Variants in DGKB observed in about 807,000 individuals in gnomAD.
The protein encoded by DGKB is 90 kDa diacylglycerol kinase.
In DGKB, 67 loss-of-function variants were observed where a neutral mutation model predicts 114.3. The ratio of observed to expected loss-of-function variants is 0.59; its 90% CI spans 0.48 to 0.72. The LOEUF (loss-of-function observed/expected upper bound fraction) is 0.72. Among genes scored for constraint, DGKB ranks in the 30% least tolerant of loss-of-function variants. The pLI is 0.00. For synonymous variants in DGKB, 398 were observed against 323.1 expected, an observed-to-expected ratio of 1.23 and a Z score of -2.49; for missense variants, 907 against 975.2, an observed-to-expected ratio of 0.93 and a Z score of 0.93.
intron 21 of DGKB, among the ~76,000 whole-genome samples, chr7:14,359,564 C>T (rs1397391929): frequency 6.6e-6 from 1 of 151,952 alleles, no homozygotes; most frequent in Admixed American, 6.6e-5. Context: ...TGCAATCTAC[C>T]CATCTGACAA....
intron 20 of DGKB, among the ~76,000 whole-genome samples, chr7:14,482,671 T>A (rs540971802): frequency 3.7e-4 from 57 of 152,226 alleles, no homozygotes; most frequent in African/African-American, 1.3e-3. Context: ...AGATTGAGCT[T>A]TTAGGTAAGA....
chr7:14,427,683 G>A (rs1827786143), intron 21 of DGKB, among the ~76,000 whole-genome samples: 2 of 152,144 alleles, frequency 1.3e-5, no homozygotes, highest in Admixed American at 1.3e-4. Flanking sequence ...TGGCAGACAA[G>A]AGAAGAGAGC....
chr7:14,512,403 T>C (rs1209040031), intron 20 of DGKB, among the ~76,000 whole-genome samples: 1 of 152,186 alleles, frequency 6.6e-6, no homozygotes, highest in African/African-American at 2.4e-5. Flanking sequence ...ATTTTCTCTA[T>C]CAGAACTATG....
At chr7:14,553,752 A>C (rs895652505) in intron 20 of DGKB, among the ~76,000 whole-genome samples, 2 of 151,720 alleles carry the variant, frequency 1.3e-5, no homozygotes, top group African/African-American at 4.8e-5. Context: ...TTACATTAAG[A>C]AGTTTTATTT....
In DGKB at chr7:14,720,471, ATTTGTG is replaced by A. The variant is rs1223328539; in HGVS notation, c.323-1792_323-1787del. ...TGGTGCGGGACACCACGCCCGGCTG[ATTTGTG>A]TGTGTGTGTGTGTGTGTGTGTGTGT... is the stretch of plus-strand genomic sequence containing the variant. On this transcript the variant is annotated intron_variant, in intron 5 of 25. Transcript: ENST00000402815. Among the ~76,000 whole-genome samples the A allele has an allele frequency of 2.0e-3, 208 of 104,270 alleles. 1 individual carries two copies. The highest frequency in any genetic ancestry group is 8.8e-3 in the African/African-American group (196 of 22,282). The allele number at this position is 104,270 out of a possible 152,430, so 68.4% of individuals were successfully genotyped here.
At chr7:14,758,864 T>C (rs1380219740) in intron 2 of DGKB, among the ~76,000 whole-genome samples, 4 of 151,352 alleles carry the variant, frequency 2.6e-5, no homozygotes, top group Non-Finnish European at 5.9e-5. Context: ...ATTCTGTGGG[T>C]TTGTGTATGT....
chr7:14,427,955 T>C (rs1827825593), intron 21 of DGKB, among the ~76,000 whole-genome samples: 1 of 152,144 alleles, frequency 6.6e-6, no homozygotes, highest in Non-Finnish European at 1.5e-5. Flanking sequence ...TATCTTTCTC[T>C]ATGTTTTAAA....
intron 13 of DGKB, among the ~76,000 whole-genome samples, chr7:14,640,303 T>TCTGCC (rs1402549662): frequency 8.5e-5 from 13 of 152,302 alleles, no homozygotes; most frequent in African/African-American, 3.1e-4. Context: ...CAGAGAATAC[T>TCTGCC]AGAATGAAAG....
At chr7:14,778,257 T>C (rs1043948276) in intron 2 of DGKB, among the ~76,000 whole-genome samples, 2 of 152,220 alleles carry the variant, frequency 1.3e-5, no homozygotes, top group Admixed American at 6.5e-5. Flanking sequence ...TAAATAAAGA[T>C]GACAGATTGA....
intron 21 of DGKB, among the ~76,000 whole-genome samples, chr7:14,442,847 T>A (rs1015734059): frequency 2.0e-5 from 3 of 152,098 alleles, no homozygotes; most frequent in African/African-American, 7.2e-5. Context: ...TGCCCCACTC[T>A]ATGCCATATG....
At chr7:14,241,936 A>C (rs1793713482) in intron 23 of DGKB, among the ~76,000 whole-genome samples, 2 of 113,608 alleles carry the variant, frequency 1.8e-5, no homozygotes, top group Non-Finnish European at 3.9e-5. Flanking sequence ...ACACACATAT[A>C]GATATATACA....
intron 25 of DGKB, among the ~76,000 whole-genome samples, chr7:14,171,194 G>A (rs1780939809): frequency 6.6e-6 from 1 of 152,158 alleles, no homozygotes; most frequent in Admixed American, 6.6e-5. Flanking sequence ...CAGAAAAAAG[G>A]CAAAGAGGGG....
chr7:14,157,285 G>A (rs534137294), intron 25 of DGKB, among the ~76,000 whole-genome samples: 1 of 151,838 alleles, frequency 6.6e-6, no homozygotes, highest in South Asian at 2.1e-4. Flanking sequence ...TATGACAGCG[G>A]GAATAAAGTA....
chr7:14,787,274 TA>T (rs1586507496), intron 2 of DGKB, among the ~76,000 whole-genome samples: 1 of 152,308 alleles, frequency 6.6e-6, no homozygotes. Context: ...AGCAATTTAT[TA>T]AAAATTAATT....
intron 5 of DGKB, among the ~76,000 whole-genome samples, chr7:14,733,781 GA>G (rs1831276385): frequency 6.8e-6 from 1 of 147,198 alleles, no homozygotes; most frequent in Admixed American, 6.9e-5. Context: ...AAGAAAGGAA[GA>G]AAGAAAGAAG....
intron 21 of DGKB, among the ~76,000 whole-genome samples, chr7:14,407,505 A>C (rs1030572852): frequency 2.6e-5 from 4 of 151,996 alleles, no homozygotes; most frequent in African/African-American, 9.7e-5. Context: ...GATGGAGAAG[A>C]AGCTACCTGG....
intron 19 of DGKB, among the ~76,000 whole-genome samples, chr7:14,575,932 G>A (rs1413564297): frequency 6.6e-6 from 1 of 152,096 alleles, no homozygotes; most frequent in African/African-American, 2.4e-5. Flanking sequence ...TACACTTAAG[G>A]TGTATCTGTT....
intron 25 of DGKB, among the ~76,000 whole-genome samples, chr7:14,158,073 T>A (rs1783301919): frequency 1.3e-5 from 2 of 152,218 alleles, no homozygotes; most frequent in Admixed American, 1.3e-4. Context: ...GAATCTCAGT[T>A]TTGACCTTCG....
intron 1 of DGKB, among the ~76,000 whole-genome samples, chr7:14,856,002 T>TACAC (rs1554307100): frequency 1.2e-5 from 1 of 80,030 alleles, no homozygotes; most frequent in Non-Finnish European, 3.1e-5. Context: ...TATATATATA[T>TACAC]ACACACACAC....
Sources: gnomAD v4.1 joint callset for allele counts (sites outside exome capture counted in the v4.1 genomes callset) on GRCh38, gnomAD v4.1.1 for gene constraint, MANE v1.5 for transcripts, NCBI Gene and HGNC (gene_info 2026-07-23, HGNC 2026-07-21) for gene names.